MAGI1: variants seen among roughly 807,000 people sequenced by gnomAD.
MAGI1 encodes the protein membrane-associated guanylate kinase, WW and PDZ domain-containing protein 1.
In MAGI1, 58 loss-of-function variants were observed where a neutral mutation model predicts 139.9. That is an observed-to-expected ratio of 0.41 (90% CI 0.34 to 0.52). MAGI1 has a LOEUF of 0.52. MAGI1 is among the 20% of genes least tolerant of loss of function. The probability of loss-of-function intolerance (pLI) is 0.12; values close to 1 mark genes in which losing one functional copy is unlikely to be tolerated. For synonymous variants in MAGI1, 812 were observed against 737.9 expected (o/e 1.10, Z -1.63); for missense variants, 1,874 against 1,901.6 (o/e 0.99, Z 0.27).
chr3:65,533,721 G>A (rs554570318), intron 2 of MAGI1, among the ~76,000 whole-genome samples: 25 of 152,158 alleles, frequency 1.6e-4, no homozygotes, highest in African/African-American at 5.8e-4. Flanking sequence ...TTCCCCCAAT[G>A]AGGCAGCTTC....
chr3:65,984,095 A>T (rs942664908), intron 1 of MAGI1, among the ~76,000 whole-genome samples: 1 of 152,180 alleles, frequency 6.6e-6, no homozygotes, highest in Non-Finnish European at 1.5e-5. Context: ...GGAGTTCAAG[A>T]CCAGCTTGGC....
At chr3:65,430,916 C>A in intron 10 of MAGI1, 35 bp from the exon 11 acceptor site, 1 of 1,587,720 alleles carries the variant, frequency 6.3e-7, no homozygotes, top group Non-Finnish European at 8.6e-7. Context: ...AGGAATGTCA[C>A]CACTGGTGAA....
chr3:65,531,816 G>C lies in MAGI1; in HGVS notation c.431-38185C>G, dbSNP rs537669346. Among the ~76,000 whole-genome samples the C allele has an allele frequency of 2.6e-5, 4 of 152,238 alleles. No homozygotes were observed. In the East Asian group the frequency reaches 5.8e-4, roughly 22 times the overall value. On this transcript the variant is annotated intron_variant, in intron 2 of 22. Coordinates refer to ENST00000402939, the MANE Select transcript of MAGI1 (RefSeq NM_001033057.2). ...CCCATCCATAAAATGAGAATAAATA[G>C]AACCTATAGCACACAGTTATTATAC...
chr3:65,427,270 C>A (rs1382015016), intron 12 of MAGI1, among the ~76,000 whole-genome samples: 1 of 152,102 alleles, frequency 6.6e-6, no homozygotes, highest in South Asian at 2.1e-4. Context: ...TGAGATGGCA[C>A]CACTGCACTC....
At chr3:65,370,968 T>A (rs1427057592) in intron 18 of MAGI1, among the ~76,000 whole-genome samples, 2 of 152,164 alleles carry the variant, frequency 1.3e-5, no homozygotes, top group African/African-American at 2.4e-5. Context: ...TGTATTTTAT[T>A]AAATTAAGTC....
At chr3:65,727,700 T>C (rs1300461934) in intron 1 of MAGI1, among the ~76,000 whole-genome samples, 3 of 152,186 alleles carry the variant, frequency 2.0e-5, no homozygotes, top group South Asian at 2.1e-4. Flanking sequence ...CTTTCTTTTG[T>C]TTCAATCAAT....
chr3:65,474,233 C>A (rs1324010557), intron 4 of MAGI1, among the ~76,000 whole-genome samples: 3 of 152,118 alleles, frequency 2.0e-5, no homozygotes, highest in Non-Finnish European at 4.4e-5. Context: ...CCACTGCACT[C>A]CAGCCTGGGT....
chr3:65,725,178 G>C (rs2033466724), intron 1 of MAGI1, among the ~76,000 whole-genome samples: 2 of 152,134 alleles, frequency 1.3e-5, no homozygotes, highest in South Asian at 4.1e-4. Context: ...TTATAATTAA[G>C]TCATTCAATT....
At chr3:65,956,626 G>A (rs913195338) in intron 1 of MAGI1, among the ~76,000 whole-genome samples, 1 of 152,094 alleles carries the variant, frequency 6.6e-6, no homozygotes, top group African/African-American at 2.4e-5. Flanking sequence ...ACCAAGCGCC[G>A]ACAAGGACGT....
At chr3:65,983,947 G>T (rs958987164) in intron 1 of MAGI1, among the ~76,000 whole-genome samples, 1 of 152,160 alleles carries the variant, frequency 6.6e-6, no homozygotes, top group African/African-American at 2.4e-5. Context: ...CACCCAGGAA[G>T]TACTCATGTT....
chr3:65,542,781 C>T (rs1319703903), intron 2 of MAGI1, among the ~76,000 whole-genome samples: 1 of 152,162 alleles, frequency 6.6e-6, no homozygotes, highest in African/African-American at 2.4e-5. Flanking sequence ...AAACATAAGA[C>T]CTAAAACCAT....
At chr3:65,765,594 G>A (rs2037404440) in intron 1 of MAGI1, among the ~76,000 whole-genome samples, 1 of 152,230 alleles carries the variant, frequency 6.6e-6, no homozygotes, top group African/African-American at 2.4e-5. Flanking sequence ...ACATGAGGCT[G>A]TGGTGCCTTT....
At chr3:65,661,890 G>C (rs905942290) in intron 1 of MAGI1, among the ~76,000 whole-genome samples, 8 of 151,464 alleles carry the variant, frequency 5.3e-5, no homozygotes, top group African/African-American at 1.9e-4. Context: ...TGGGATGACA[G>C]GTGCCCGCCA....
chr3:66,032,401 T>C (rs2068662967), intron 1 of MAGI1, among the ~76,000 whole-genome samples: 1 of 148,462 alleles, frequency 6.7e-6, no homozygotes, highest in Non-Finnish European at 1.5e-5. Context: ...TTTTTTTTTT[T>C]AGTAGAGACA....
rs1251843354 is a variant in MAGI1, at chr3:65,941,708, G to T, written c.313+96288C>A. Among the ~76,000 whole-genome samples the T allele has an allele frequency of 2.7e-5, 4 of 150,256 alleles. No individual in the cohort carries two copies. The Admixed American group carries it at 2.7e-4, about 10-fold the overall frequency. ...CTTGAGTTTGGCTTCTCTCATAAAT[G>T]AAGAAAATAACATCCTCAGAAATAA... On this transcript the variant is annotated intron_variant, in intron 1 of 22. Transcript: ENST00000402939.
Position 65,745,627 on chromosome 3 carries a change from T to C in MAGI1, c.314-123539A>G, listed in dbSNP as rs114848646. On this transcript the variant is annotated intron_variant, in intron 1 of 22. Coordinates refer to ENST00000402939, the MANE Select transcript of MAGI1 (RefSeq NM_001033057.2). ...ACACATAACACACATTAAAATTCAA[T>C]AGGCAAATTTTATGCCTTTCTTAGT... 6.4e-3 allele frequency among the ~76,000 whole-genome samples: 968 copies of C among 152,356 alleles called. 5 individuals carry two copies. Among genetic ancestry groups the C allele is most frequent in the African/African-American group, 0.021 (867 of 41,592 alleles).
chr3:65,519,788 A>G (rs2078070578), intron 2 of MAGI1, among the ~76,000 whole-genome samples: 1 of 152,204 alleles, frequency 6.6e-6, no homozygotes, highest in Non-Finnish European at 1.5e-5. Context: ...TATTACAGTA[A>G]TTGAAGTTAC....
intron 12 of MAGI1, among the ~76,000 whole-genome samples, chr3:65,416,304 C>T (rs1304779902): frequency 6.6e-6 from 1 of 152,200 alleles, no homozygotes; most frequent in Non-Finnish European, 1.5e-5. Context: ...TTCCCTCCAT[C>T]ACAAAGTCAT....
At chr3:65,856,540 T>C (rs1381223114) in intron 1 of MAGI1, among the ~76,000 whole-genome samples, 1 of 152,206 alleles carries the variant, frequency 6.6e-6, no homozygotes, top group Non-Finnish European at 1.5e-5. Context: ...CTCACAGCCC[T>C]GCCTGGAGAA....
Sources: gnomAD v4.1 joint callset for allele counts (sites outside exome capture counted in the v4.1 genomes callset) on GRCh38, gnomAD v4.1.1 for gene constraint, MANE v1.5 for transcripts, NCBI Gene and HGNC (gene_info 2026-07-23, HGNC 2026-07-21) for gene names.